Variants in IQSEC3 observed in about 807,000 individuals in gnomAD.
IQSEC3 encodes IQ motif and Sec7 domain ArfGEF 3.
IQSEC3 carries 50 observed loss-of-function variants against 105.4 expected under a neutral mutation model. The observed-to-expected ratio is 0.47, with a 90% confidence interval of 0.38 to 0.60. The LOEUF (loss-of-function observed/expected upper bound fraction) is 0.60. Ranked by LOEUF, IQSEC3 falls within the 20% of genes least tolerant of loss-of-function variation. IQSEC3 has a pLI of 0.00. For missense variants in IQSEC3, 1,415 were observed against 1,630.0 expected (o/e 0.87, Z 2.27); for synonymous variants, 708 against 746.0 (o/e 0.95, Z 0.83).
chr12:117,814 G>A (rs1450042123), intron 2 of IQSEC3, among the ~76,000 whole-genome samples: 28 of 152,244 alleles, frequency 1.8e-4, no homozygotes, highest in Admixed American at 1.8e-3. Context: ...GCCTCTGGAA[G>A]TGGAAGAGAG....
Position 166,074 on chromosome 12 carries a change from C to A in IQSEC3, c.2971+184C>A, listed in dbSNP as rs115858915. On this transcript the variant is annotated intron_variant, in intron 11 of 13. Transcript: ENST00000538872. ...GAGCACCGGTTCCCATGTTTCTTCACAATTAAAGTGAGGCTTGCTAGAGTG... is the reference window on the plus strand; with the variant it reads ...GAGCACCGGTTCCCATGTTTCTTCAAAATTAAAGTGAGGCTTGCTAGAGTG... 9.8e-3 allele frequency: 6,213 copies of A among 635,986 alleles called. 111 individuals carry two copies. The highest frequency in any genetic ancestry group is 0.052 in the Middle Eastern group (121 of 2,330). 39.4% of individuals were successfully genotyped at this position (635,986 alleles called of 1,614,324 possible). A position where few individuals can be genotyped will look rare whatever the true frequency, so the allele number is the denominator to read the frequency against.
chr12:153,423 G>T (rs1051506755), intron 5 of IQSEC3, among the ~76,000 whole-genome samples: 1 of 152,146 alleles, frequency 6.6e-6, no homozygotes, highest in African/African-American at 2.4e-5. Flanking sequence ...CCGTGCCTCC[G>T]GGTGCCAGTC....
chr12:113,229 C>T (rs532378073), intron 2 of IQSEC3, among the ~76,000 whole-genome samples: 3 of 152,330 alleles, frequency 2.0e-5, no homozygotes, highest in South Asian at 4.1e-4. Flanking sequence ...CTGCATTTTC[C>T]GAGTTACAGA....
chr12:118,887 G>A (rs138635498), intron 2 of IQSEC3, among the ~76,000 whole-genome samples: 9 of 152,332 alleles, frequency 5.9e-5, no homozygotes, highest in East Asian at 1.9e-4. Context: ...GCCCAGAGAG[G>A]CTCACTACCC....
chr12:83,895 C>T (rs548764438), intron 1 of IQSEC3, among the ~76,000 whole-genome samples: 12 of 152,296 alleles, frequency 7.9e-5, no homozygotes, highest in African/African-American at 2.9e-4. Context: ...GTGTGCTCGA[C>T]ATTGCTGTGC....
chr12:93,216 A>AC (rs1200386211), intron 1 of IQSEC3, among the ~76,000 whole-genome samples: 7 of 151,876 alleles, frequency 4.6e-5, no homozygotes, highest in East Asian at 3.9e-4. Context: ...CCTGGCATGG[A>AC]CCCCCCCAAA....
intron 1 of IQSEC3, among the ~76,000 whole-genome samples, chr12:70,660 C>T (rs1161710921): frequency 1.3e-5 from 2 of 152,282 alleles, no homozygotes; most frequent in African/African-American, 4.8e-5. Flanking sequence ...CATGGAAGCA[C>T]ATGAACTTAT....
chr12:69,344 C>A lies in IQSEC3; in HGVS notation c.554+1908C>A, dbSNP rs533375507. 4.6e-5 allele frequency among the ~76,000 whole-genome samples: 7 copies of A among 152,396 alleles called. No homozygotes were observed. In the East Asian group the frequency reaches 9.6e-4, roughly 21 times the overall value. ...ACCCTTTCACTCAGTTGGTCCTGCTCGGAATCCTGGGATTTAGGAATCATC... is the reference window on the plus strand; with the variant it reads ...ACCCTTTCACTCAGTTGGTCCTGCTAGGAATCCTGGGATTTAGGAATCATC... On this transcript the variant is annotated intron_variant, in intron 1 of 13. Transcript: ENST00000538872.
At chr12:82,919 G>A (rs1555071025) in intron 1 of IQSEC3, among the ~76,000 whole-genome samples, 8 of 152,204 alleles carry the variant, frequency 5.3e-5, no homozygotes, top group African/African-American at 2.4e-5. Context: ...CCTCAGCACT[G>A]GAGACTGTTG....
At chr12:91,489 G>A (rs77519928) in intron 1 of IQSEC3, among the ~76,000 whole-genome samples, 385 of 152,284 alleles carry the variant, frequency 2.5e-3, no homozygotes, top group African/African-American at 8.8e-3. Flanking sequence ...TTAAGAAACA[G>A]GGAGGCCCAG....
At chr12:69,059 A>G (rs1463066617) in intron 1 of IQSEC3, among the ~76,000 whole-genome samples, 2 of 152,154 alleles carry the variant, frequency 1.3e-5, no homozygotes, top group Admixed American at 6.5e-5. Context: ...AAAAGGCAAC[A>G]TTGTTCCAAG....
chr12:85,084 C>T (rs1304510307), intron 1 of IQSEC3, among the ~76,000 whole-genome samples: 1 of 152,224 alleles, frequency 6.6e-6, no homozygotes, highest in Non-Finnish European at 1.5e-5. Flanking sequence ...CATGGGATTA[C>T]TCTTAGGATG....
chr12:102,188 G>T (rs1323477773), intron 2 of IQSEC3, among the ~76,000 whole-genome samples: 2 of 115,634 alleles, frequency 1.7e-5, no homozygotes, highest in Admixed American at 1.1e-4. Flanking sequence ...CTCCTCCCCC[G>T]TCAGTCTGGC....
chr12:147,316 C>T (rs1866316969), intron 5 of IQSEC3, among the ~76,000 whole-genome samples: 1 of 152,200 alleles, frequency 6.6e-6, no homozygotes, highest in Non-Finnish European at 1.5e-5. Flanking sequence ...TCAGCATGTG[C>T]TGTGTGCCAC....
At chr12:158,188 A>G (rs1206952816) in intron 7 of IQSEC3, among the ~76,000 whole-genome samples, 2 of 149,078 alleles carry the variant, frequency 1.3e-5, no homozygotes, top group Non-Finnish European at 3.0e-5. Context: ...TTTTTTTTTT[A>G]CCCGTTAAAA....
At chr12:71,549 T>G (rs1445833812) in intron 1 of IQSEC3, among the ~76,000 whole-genome samples, 3 of 152,272 alleles carry the variant, frequency 2.0e-5, no homozygotes, top group African/African-American at 4.8e-5. Context: ...AGTCAAAGGT[T>G]TATGTCAGAA....
chr12:87,563 A>G (rs1863956683), intron 1 of IQSEC3, among the ~76,000 whole-genome samples: 1 of 152,322 alleles, frequency 6.6e-6, no homozygotes, highest in Admixed American at 6.5e-5. Context: ...ATCAAGGTGA[A>G]AGGAAGCTCA....
At chr12:93,072 C>T (rs1273633945) in intron 1 of IQSEC3, among the ~76,000 whole-genome samples, 1 of 152,104 alleles carries the variant, frequency 6.6e-6, no homozygotes, top group Non-Finnish European at 1.5e-5. Context: ...TTGTATTTGC[C>T]CTCCTAAAAG....
intron 1 of IQSEC3, among the ~76,000 whole-genome samples, chr12:80,010 T>A (rs928148347): frequency 6.6e-6 from 1 of 152,238 alleles, no homozygotes; most frequent in African/African-American, 2.4e-5. Context: ...CCGCGTTCTT[T>A]TTTAATAGCC....
Sources: gnomAD v4.1 joint callset for allele counts (sites outside exome capture counted in the v4.1 genomes callset) on GRCh38, gnomAD v4.1.1 for gene constraint, MANE v1.5 for transcripts, NCBI Gene and HGNC (gene_info 2026-07-23, HGNC 2026-07-21) for gene names.